Variants in THSD7B observed in about 807,000 individuals in gnomAD.
The protein encoded by THSD7B is thrombospondin type 1 domain containing 7B, also known as thrombospondin type-1 domain-containing protein 7B.
A neutral mutation model predicts 213.6 loss-of-function variants in THSD7B; 138 were observed. The ratio of observed to expected loss-of-function variants is 0.65; its 90% CI spans 0.56 to 0.74. The LOEUF (loss-of-function observed/expected upper bound fraction) is 0.74. Ranked by LOEUF, THSD7B falls within the 30% of genes least tolerant of loss-of-function variation. The pLI is 0.00. For synonymous variants in THSD7B, 742 were observed against 687.0 expected, an observed-to-expected ratio of 1.08 and a Z score of -1.25; for missense variants, 1,931 against 1,991.5, an observed-to-expected ratio of 0.97 and a Z score of 0.58.
rs536739104 is a variant in THSD7B at position 136,797,297 on chromosome 2, C to G, written c.-36+31610C>G. On this transcript the variant is annotated intron_variant, in intron 1 of 27. Coordinates refer to ENST00000409968, the MANE Select transcript of THSD7B (RefSeq NM_001316349.2). ...GTCAAGGGAAAGATGTAAATAAACACTTTCTCTCACTCTCTGAAGGCCATG... is the reference window on the plus strand; with the variant it reads ...GTCAAGGGAAAGATGTAAATAAACAGTTTCTCTCACTCTCTGAAGGCCATG... Among the ~76,000 whole-genome samples, 17 of 152,050 alleles carry G rather than the reference C, an allele frequency of 1.1e-4. No homozygotes were observed. The South Asian group carries it at 2.5e-3, about 22-fold the overall frequency.
Position 137,094,860 on chromosome 2 carries a change from C to T in THSD7B, c.951-13C>T. ...ATATATGGCCTCCTATTTTCTACTT[C>T]TGTTTTTTTCAGCCTTTGCCTTCAA... is the stretch of plus-strand genomic sequence containing the variant. On this transcript the variant is annotated splice_polypyrimidine_tract_variant and intron_variant, in intron 3 of 27. Coordinates refer to ENST00000409968, the MANE Select transcript of THSD7B (RefSeq NM_001316349.2). The T allele has an allele frequency of 2.5e-6, 4 of 1,606,978 alleles. No homozygotes were observed. Among genetic ancestry groups the T allele is most frequent in the South Asian group, 1.1e-5 (1 of 90,672 alleles).
chr2:137,588,293 A>T (rs1387733806), intron 17 of THSD7B, among the ~76,000 whole-genome samples: 1 of 152,114 alleles, frequency 6.6e-6, no homozygotes, highest in Non-Finnish European at 1.5e-5. Context: ...AGGTGAGGTG[A>T]TGCCTTACCC....
In THSD7B at chr2:137,618,466, T is replaced by G; in HGVS notation, c.3640T>G (p.Cys1214Gly). Residue 1214 changes from cysteine to glycine, a missense_variant, in exon 19 of 28, where the codon TGC becomes GGC. Transcript: ENST00000409968. Reference sequence around the variant, plus strand: ...CAGGACCCGCCTGCTAAGCTGTGTGTGCAGTGATGGCAAGCCAGTCAGCAT... The same window carrying G: ...CAGGACCCGCCTGCTAAGCTGTGTGGGCAGTGATGGCAAGCCAGTCAGCAT... ...GVRTRLLSCV[C>G]SDGKPVSMDQ... is the part of the protein sequence containing the mutation. The G allele has an allele frequency of 6.2e-7, 1 of 1,613,892 alleles. No homozygotes were observed. The highest frequency in any genetic ancestry group is 8.5e-7 in the Non-Finnish European group (1 of 1,179,860).
chr2:137,637,945 G>A (rs2104858113), intron 20 of THSD7B, among the ~76,000 whole-genome samples: 1 of 152,278 alleles, frequency 6.6e-6, no homozygotes, highest in East Asian at 1.9e-4. Context: ...AAACATTAAA[G>A]TTATTATAAA....
At chr2:137,496,567 C>G (rs1351443558) in intron 15 of THSD7B, among the ~76,000 whole-genome samples, 7 of 152,046 alleles carry the variant, frequency 4.6e-5, no homozygotes, top group Non-Finnish European at 1.5e-5. Flanking sequence ...AAGTTATTAC[C>G]AGTATAATTA....
At chr2:137,477,088 T>G (rs533771863) in intron 15 of THSD7B, among the ~76,000 whole-genome samples, 1 of 152,336 alleles carries the variant, frequency 6.6e-6, no homozygotes, top group African/African-American at 2.4e-5. Flanking sequence ...GTCCAGAAGA[T>G]CTCTCTAATA....
intron 10 of THSD7B, among the ~76,000 whole-genome samples, chr2:137,246,452 G>T (rs1682041009): frequency 1.3e-5 from 2 of 152,288 alleles, no homozygotes; most frequent in East Asian, 1.9e-4. Context: ...AGCCAAGGTT[G>T]TTTATGGGAC....
chr2:137,320,377 G>A (rs1169273704), intron 12 of THSD7B, among the ~76,000 whole-genome samples: 1 of 152,094 alleles, frequency 6.6e-6, no homozygotes, highest in Non-Finnish European at 1.5e-5. Flanking sequence ...AGTTTGCCCT[G>A]TTTCTCTAAA....
At chr2:136,871,183 TAC>T in intron 1 of THSD7B, among the ~76,000 whole-genome samples, 1 of 152,210 alleles carries the variant, frequency 6.6e-6, no homozygotes, top group Non-Finnish European at 1.5e-5. Context: ...TTTTGTATGT[TAC>T]ATGTGTGTGC....
chr2:137,363,561 C>T (rs977575563), intron 12 of THSD7B, among the ~76,000 whole-genome samples: 1 of 152,068 alleles, frequency 6.6e-6, no homozygotes, highest in East Asian at 1.9e-4. Context: ...GGGATATCAC[C>T]ACCGATCCCA....
chr2:137,668,405 A>G (rs1573777080), intron 27 of THSD7B, among the ~76,000 whole-genome samples: 1 of 151,720 alleles, frequency 6.6e-6, no homozygotes, highest in South Asian at 2.1e-4. Context: ...GTTTTGCTAT[A>G]TTGACCAGCT....
intron 2 of THSD7B, among the ~76,000 whole-genome samples, chr2:137,053,125 G>A (rs1042934743): frequency 6.6e-6 from 1 of 152,068 alleles, no homozygotes; most frequent in Non-Finnish European, 1.5e-5. Flanking sequence ...GGGAGTAATT[G>A]TTTACATACT....
intron 17 of THSD7B, among the ~76,000 whole-genome samples, chr2:137,576,858 A>G (rs773408340): frequency 8.1e-5 from 12 of 147,698 alleles, no homozygotes; most frequent in Admixed American, 1.4e-4. Context: ...GAGCAATGAC[A>G]TTTTATTCCT....
intron 12 of THSD7B, among the ~76,000 whole-genome samples, chr2:137,391,402 G>C (rs1021959717): frequency 1.3e-5 from 2 of 151,884 alleles, no homozygotes; most frequent in Non-Finnish European, 2.9e-5. Flanking sequence ...TCTTTTTAAA[G>C]AACAGGCCAG....
intron 2 of THSD7B, among the ~76,000 whole-genome samples, chr2:137,038,730 A>G (rs1686823503): frequency 1.3e-5 from 2 of 152,240 alleles, no homozygotes; most frequent in Admixed American, 6.5e-5. Flanking sequence ...GTTGCAGTCT[A>G]CAACTGCAAT....
chr2:137,284,408 G>T (rs1208366228), intron 12 of THSD7B, among the ~76,000 whole-genome samples: 1 of 152,090 alleles, frequency 6.6e-6, no homozygotes, highest in East Asian at 1.9e-4. Flanking sequence ...CTTCAGTTCT[G>T]CTCTGATCTT....
chr2:137,019,294 C>T (rs561000697), intron 2 of THSD7B, among the ~76,000 whole-genome samples: 2 of 152,194 alleles, frequency 1.3e-5, no homozygotes, highest in East Asian at 1.9e-4. Flanking sequence ...ACTGAAAACC[C>T]GTATTTATGT....
At chr2:136,902,742 A>C (rs142463192) in intron 2 of THSD7B, among the ~76,000 whole-genome samples, 1 of 152,330 alleles carries the variant, frequency 6.6e-6, no homozygotes, top group Non-Finnish European at 1.5e-5. Flanking sequence ...GATGAAGAAA[A>C]TATTGTGGCA....
At chr2:137,405,953 CA>C in intron 13 of THSD7B, 146 bp downstream of exon 13, 1 of 646,472 alleles carries the variant, frequency 1.5e-6, no homozygotes, top group South Asian at 2.3e-5. Context: ...AAACTCAGAA[CA>C]ATGCCTGGTA....
Sources: gnomAD v4.1 joint callset for allele counts (sites outside exome capture counted in the v4.1 genomes callset) on GRCh38, gnomAD v4.1.1 for gene constraint, MANE v1.5 for transcripts, NCBI Gene and HGNC (gene_info 2026-07-23, HGNC 2026-07-21) for gene names.